The following TACC2 variants were observed in gnomAD, a reference collection of about 807,000 sequenced individuals.
The protein encoded by TACC2 is transforming acidic coiled-coil containing protein 2.
A neutral mutation model predicts 227.3 loss-of-function variants in TACC2; 137 were observed. That is an observed-to-expected ratio of 0.60 (90% confidence interval 0.52 to 0.69). The LOEUF is 0.69. Ranked by LOEUF, TACC2 falls within the 30% of genes least tolerant of loss-of-function variation. The probability of loss-of-function intolerance (pLI) is 0.00; values close to 1 mark genes in which losing one functional copy is unlikely to be tolerated. For missense variants in TACC2, 3,470 were observed against 3,694.4 expected (o/e 0.94, Z 1.57); for synonymous variants, 1,523 against 1,487.5 (o/e 1.02, Z -0.55).
chr10:122,132,638 C>T lies in TACC2; in HGVS notation c.5603C>T (p.Pro1868Leu). Reference sequence around the variant, plus strand: ...CCTGTGGCAGATGATATCATCCAGCCCGCTGCCCCCGCAGACCTGGAAAGC... The same window carrying T: ...CCTGTGGCAGATGATATCATCCAGCTCGCTGCCCCCGCAGACCTGGAAAGC... ...SSPVADDIIQ[P>L]AAPADLESPT... The change falls in exon 6 of 23, where the codon CCC becomes CTC. Residue 1868 changes from proline to leucine, a missense_variant. Pro to Leu is a moderately conservative substitution (Grantham distance 98). Around this residue, in one of 10 missense-constraint regions of TACC2, gnomAD observed 1,924 missense variants for 1,978.3 expected, o/e 0.97. Transcript: ENST00000369005. 6.2e-7 allele frequency: 1 copy of T among 1,614,164 alleles called. No individual in the cohort carries two copies.
intron 2 of TACC2, among the ~76,000 whole-genome samples, chr10:122,044,823 G>C (rs1047063981): frequency 6.6e-6 from 1 of 151,948 alleles, no homozygotes; most frequent in African/African-American, 2.4e-5. Context: ...ACGAAAGACT[G>C]TTTGTTTACT....
Position 122,087,270 on chromosome 10 carries a change from C to T in TACC2, c.4770C>T (p.Ala1590=). 6.2e-7 allele frequency: 1 copy of T among 1,613,812 alleles called. No homozygotes were observed. The change falls in exon 4 of 23, where the codon GCC becomes GCT. Residue 1590 remains alanine (A), a synonymous_variant. Transcript: ENST00000369005. ...ATAGCCATGGAGAAGAGGCCGTGGC[C>T]CAAGACAGAATTCCTTCTGGAAAGC... The part of the protein sequence containing the change: ...APHSHGEEAV[A]QDRIPSGKQH...
chr10:122,014,088 C>T (rs187900695), intron 1 of TACC2, among the ~76,000 whole-genome samples: 166 of 152,186 alleles, frequency 1.1e-3, no homozygotes, highest in African/African-American at 3.8e-3. Context: ...AAACATGATG[C>T]GATTGTCTAA....
At chr10:122,152,570 T>C (rs2092148621) in intron 7 of TACC2, among the ~76,000 whole-genome samples, 1 of 152,228 alleles carries the variant, frequency 6.6e-6, no homozygotes, top group South Asian at 2.1e-4. Flanking sequence ...AAACGCGTGT[T>C]GACACGGCTG....
In TACC2 at chr10:121,999,322, T is replaced by G. The variant is rs11200315; in HGVS notation, c.-46+9834T>G. Among the ~76,000 whole-genome samples, 4 of 152,354 alleles carry G rather than the reference T, an allele frequency of 2.6e-5. No homozygotes were observed. In the East Asian group the frequency reaches 7.7e-4, roughly 29 times the overall value. On this transcript the variant is annotated intron_variant, in intron 1 of 22. Transcript: ENST00000369005. ...TAATTTTGCAGCTGGCTCCCTGAGC[T>G]TAAAAAGCACAGCTTTGTATTCACT... is the stretch of plus-strand genomic sequence containing the variant.
intron 16 of TACC2, among the ~76,000 whole-genome samples, chr10:122,235,034 A>G (rs1435609533): frequency 6.6e-6 from 1 of 152,130 alleles, no homozygotes; most frequent in East Asian, 1.9e-4. Context: ...AAACACACAC[A>G]TTTGTTGACT....
chr10:122,009,384 A>T (rs1955646098), intron 1 of TACC2, among the ~76,000 whole-genome samples: 1 of 152,128 alleles, frequency 6.6e-6, no homozygotes, highest in African/African-American at 2.4e-5. Context: ...CATGCCTGTA[A>T]TCTCAGCTAC....
In TACC2 at chr10:122,249,530, C is replaced by A. The variant is rs1024378590; in HGVS notation, c.8661-14C>A. The A allele has an allele frequency of 5.6e-6, 9 of 1,612,606 alleles. No homozygotes were observed. In the African/African-American group the frequency reaches 1.1e-4, roughly 19 times the overall value. ...CACAAAAGAGTGATAATTCTGAGCT[C>A]CCTGTCTCCGCAGGGCCAATGCTGA... is the stretch of plus-strand genomic sequence containing the variant. On this transcript the variant is annotated splice_polypyrimidine_tract_variant and intron_variant, in intron 21 of 22. Coordinates refer to ENST00000369005, the MANE Select transcript of TACC2 (RefSeq NM_206862.4).
rs141987188 is a variant in TACC2, at chr10:122,082,823, C to G, written c.323C>G (p.Ser108Trp). Reference sequence around the variant, plus strand: ...CCGTCCCAGGAGCGAGAGCACCCCTCGTCCTCCATGCCCTTTGCCGAGTGT... The same window carrying G: ...CCGTCCCAGGAGCGAGAGCACCCCTGGTCCTCCATGCCCTTTGCCGAGTGT... ...PPPSQEREHPSSSMPFAECPP... is the reference protein window; with the variant it reads ...PPPSQEREHPWSSMPFAECPP... The change falls in exon 4 of 23, where the codon TCG (serine) becomes TGG (tryptophan). Residue 108 changes from serine (S) to tryptophan (W), a missense_variant. Ser to Trp is a radical substitution (Grantham distance 177). Around this residue, in one of 10 missense-constraint regions of TACC2, gnomAD observed 405 missense variants for 389.6 expected, o/e 1.04. Transcript: ENST00000369005. The G allele has an allele frequency of 6.2e-7, 1 of 1,613,704 alleles. No homozygotes were observed. Among genetic ancestry groups the G allele is most frequent in the East Asian group, 2.2e-5 (1 of 44,844 alleles).
At chr10:122,240,719 G>A (rs1043119921) in intron 18 of TACC2, among the ~76,000 whole-genome samples, 5 of 152,158 alleles carry the variant, frequency 3.3e-5, no homozygotes, top group African/African-American at 4.8e-5. Context: ...ACAGTTATCC[G>A]CTCTTGGTTC....
At chr10:122,181,792 C>T (rs1332841235) in intron 7 of TACC2, among the ~76,000 whole-genome samples, 1 of 152,174 alleles carries the variant, frequency 6.6e-6, no homozygotes, top group Admixed American at 6.5e-5. Flanking sequence ...AGTGTGAAAA[C>T]ATCGGAAGCA....
At chr10:122,020,507 T>C (rs1183684323) in intron 1 of TACC2, among the ~76,000 whole-genome samples, 2 of 152,238 alleles carry the variant, frequency 1.3e-5, no homozygotes, top group Non-Finnish European at 2.9e-5. Flanking sequence ...GATGGTTCAG[T>C]ACGCATAGTG....
At chr10:122,149,938 ACG>A (rs2091858735) in intron 7 of TACC2, among the ~76,000 whole-genome samples, 1 of 152,176 alleles carries the variant, frequency 6.6e-6, no homozygotes, top group Non-Finnish European at 1.5e-5. Flanking sequence ...GGCCGGTGAG[ACG>A]CGCGGAGGCA....
chr10:122,092,429 G>C (rs1487218948), intron 5 of TACC2, among the ~76,000 whole-genome samples: 4 of 152,270 alleles, frequency 2.6e-5, no homozygotes, highest in African/African-American at 9.6e-5. Flanking sequence ...CTATTATCTT[G>C]CTAGTTATCA....
chr10:122,053,582 T>A (rs1002702941), intron 3 of TACC2, among the ~76,000 whole-genome samples: 1 of 152,102 alleles, frequency 6.6e-6, no homozygotes, highest in African/African-American at 2.4e-5. Flanking sequence ...GCTGAGGGAC[T>A]GTGCTGCTTC....
chr10:122,145,077 G>A (rs996960169), intron 7 of TACC2, among the ~76,000 whole-genome samples: 26 of 152,226 alleles, frequency 1.7e-4, no homozygotes, highest in Non-Finnish European at 3.2e-4. Flanking sequence ...AAATGTGTTG[G>A]AGAAAGAAAT....
At chr10:122,171,920 A>G (rs1403787465) in intron 7 of TACC2, among the ~76,000 whole-genome samples, 2 of 152,144 alleles carry the variant, frequency 1.3e-5, no homozygotes, top group Admixed American at 6.5e-5. Flanking sequence ...GTCTCCATAC[A>G]TCTCCTTGGG....
intron 7 of TACC2, among the ~76,000 whole-genome samples, chr10:122,170,582 G>C (rs534746350): frequency 2.6e-5 from 4 of 152,246 alleles, no homozygotes; most frequent in African/African-American, 9.6e-5. Flanking sequence ...GATCACAGGC[G>C]TGAGCCACTG....
chr10:122,018,345 T>C (rs1234968399), intron 1 of TACC2, among the ~76,000 whole-genome samples: 2 of 152,196 alleles, frequency 1.3e-5, no homozygotes, highest in Non-Finnish European at 2.9e-5. Flanking sequence ...AAACAATGTC[T>C]TATGCAGAAA....
Sources: gnomAD v4.1 joint callset for allele counts (sites outside exome capture counted in the v4.1 genomes callset) on GRCh38, gnomAD v4.1.1 for gene constraint, gnomAD v4.1.1 regional missense constraint, MANE v1.5 for transcripts, NCBI Gene and HGNC (gene_info 2026-07-23, HGNC 2026-07-21) for gene names.